Variants in C8orf34 observed in about 807,000 individuals in gnomAD.
C8orf34 encodes the protein uncharacterized protein C8orf34.
C8orf34 carries 65 observed loss-of-function variants against 68.3 expected under a neutral mutation model. That is an observed-to-expected ratio of 0.95 (90% CI 0.78 to 1.17). C8orf34 has a LOEUF of 1.17. Among genes scored for constraint, C8orf34 ranks in the 50% most tolerant of loss-of-function variants. The probability of loss-of-function intolerance (pLI) is 0.00; values close to 1 mark genes in which losing one functional copy is unlikely to be tolerated. For missense variants in C8orf34, 664 were observed against 655.4 expected, an observed-to-expected ratio of 1.01 and a Z score of -0.14; for synonymous variants, 244 against 241.2, an observed-to-expected ratio of 1.01 and a Z score of -0.11.
At chr8:68,743,491 C>A (rs12541228) in intron 10 of C8orf34, among the ~76,000 whole-genome samples, 28,648 of 152,008 alleles carry the variant, frequency 0.19, 2,957 homozygotes, top group Middle Eastern at 0.3. Flanking sequence ...ACAGTGGGTG[C>A]AGGTCAGTGG....
Position 68,796,016 on chromosome 8 carries a change from C to T in C8orf34, c.1549+8480C>T, listed in dbSNP as rs560061875. Reference sequence around the variant, plus strand: ...AAGGAGTGACAATTGTCTGAGGGTGCCGCATTTGGGAAAACGTCAAATACA... The same window carrying T: ...AAGGAGTGACAATTGTCTGAGGGTGTCGCATTTGGGAAAACGTCAAATACA... On this transcript the variant is annotated intron_variant, in intron 12 of 13. Transcript: ENST00000518698. Among the ~76,000 whole-genome samples the T allele has an allele frequency of 3.6e-4, 55 of 152,284 alleles. No individual in the cohort carries two copies. In the South Asian group the frequency reaches 6.2e-3, roughly 17 times the overall value.
intron 7 of C8orf34, among the ~76,000 whole-genome samples, chr8:68,603,556 T>C (rs1459474853): frequency 0.01 from 1,582 of 151,210 alleles, 43 homozygotes; most frequent in African/African-American, 0.037. Flanking sequence ...TATCTATCTA[T>C]CTATCTATCT....
At chr8:68,702,846 A>G (rs1821058948) in intron 8 of C8orf34, among the ~76,000 whole-genome samples, 1 of 152,074 alleles carries the variant, frequency 6.6e-6, no homozygotes, top group South Asian at 2.1e-4. Context: ...TACTGTTTGT[A>G]TTATTTAAAA....
chr8:68,706,587 C>G lies in C8orf34; in HGVS notation c.1242-2407C>G, dbSNP rs1464127611. 2.0e-5 allele frequency among the ~76,000 whole-genome samples: 3 copies of G among 152,116 alleles called. 1 individual carries two copies. The highest frequency in any genetic ancestry group is 4.4e-5 in the Non-Finnish European group (3 of 68,024). ...AAGGAGGTGAATTTGTTTTCGGAGA[C>G]CAGAACACTGGACTTACAGATATCT... On this transcript the variant is annotated intron_variant, in intron 8 of 13. Transcript: ENST00000518698.
At chr8:68,660,265 C>T (rs774440654) in intron 8 of C8orf34, among the ~76,000 whole-genome samples, 4 of 152,092 alleles carry the variant, frequency 2.6e-5, no homozygotes, top group African/African-American at 9.7e-5. Flanking sequence ...AAGAGGGGAA[C>T]AAGCTGTCCC....
chr8:68,514,034 G>T (rs1157119330), intron 5 of C8orf34, among the ~76,000 whole-genome samples: 1 of 152,154 alleles, frequency 6.6e-6, no homozygotes, highest in Non-Finnish European at 1.5e-5. Flanking sequence ...AATGTTGCAG[G>T]ACTTTTCCTT....
chr8:68,492,025 T>C (rs571038569), intron 5 of C8orf34, among the ~76,000 whole-genome samples: 1 of 152,294 alleles, frequency 6.6e-6, no homozygotes, highest in Non-Finnish European at 1.5e-5. Context: ...CCTCATCTTC[T>C]CCTGGCTCCC....
At chr8:68,386,274 C>G (rs1808257415) in intron 1 of C8orf34, among the ~76,000 whole-genome samples, 1 of 152,120 alleles carries the variant, frequency 6.6e-6, no homozygotes, top group South Asian at 2.1e-4. Flanking sequence ...TAATATGAAG[C>G]TTTATAGGGA....
At chr8:68,628,803 GATT>G in intron 7 of C8orf34, among the ~76,000 whole-genome samples, 2 of 152,268 alleles carry the variant, frequency 1.3e-5, no homozygotes, top group East Asian at 3.9e-4. Flanking sequence ...TTATTTCATG[GATT>G]ACATTTGAAT....
Position 68,439,582 on chromosome 8 carries a change from C to A in C8orf34, c.411C>A (p.Asn137Lys). 1 of 1,613,596 alleles carries A rather than the reference C, an allele frequency of 6.2e-7. No homozygotes were observed. The change falls in exon 2 of 14, where the codon AAC (asparagine) becomes AAA (lysine). Residue 137 changes from asparagine (N) to lysine (K), a missense_variant. By Grantham distance (94) the Asn-to-Lys change is moderately conservative. Transcript: ENST00000518698. Reference protein sequence around the residue: ...LIDHLQSKQGNRGQLQRTLSG... With the variant: ...LIDHLQSKQGKRGQLQRTLSG... ...ACCATCTTCAGTCTAAACAAGGGAA[C>A]CGTGGACAACTTCAAAGAACTTTGT... is the stretch of plus-strand genomic sequence containing the variant.
At chr8:68,786,202 A>C (rs1264143367) in intron 11 of C8orf34, among the ~76,000 whole-genome samples, 4 of 152,204 alleles carry the variant, frequency 2.6e-5, no homozygotes, top group African/African-American at 9.6e-5. Flanking sequence ...ATATGTTTGA[A>C]AACATGTTCT....
At chr8:68,442,093 A>G (rs2676637) in intron 2 of C8orf34, among the ~76,000 whole-genome samples, 84,540 of 151,816 alleles carry the variant, frequency 0.56, 24,253 homozygotes, top group African/African-American at 0.7. Context: ...GTTAGAGTGT[A>G]GGATGGACTG....
At chr8:68,492,294 A>C (rs1453051280) in intron 5 of C8orf34, among the ~76,000 whole-genome samples, 1 of 152,060 alleles carries the variant, frequency 6.6e-6, no homozygotes, top group Non-Finnish European at 1.5e-5. Context: ...CAGTGCTGCG[A>C]TCATAGCTCA....
intron 6 of C8orf34, chr8:68,525,780 G>A (rs1390469556): frequency 9.2e-6 from 5 of 544,666 alleles, no homozygotes; most frequent in Non-Finnish European, 1.7e-5. Flanking sequence ...GTGTAGCCAT[G>A]CTTCATCACA....
chr8:68,426,592 T>C (rs1330602908), intron 1 of C8orf34, among the ~76,000 whole-genome samples: 1 of 149,518 alleles, frequency 6.7e-6, no homozygotes, highest in Non-Finnish European at 1.5e-5. Flanking sequence ...TAAAAATATT[T>C]CCAAATTACA....
intron 4 of C8orf34, among the ~76,000 whole-genome samples, chr8:68,476,821 A>C (rs1812639603): frequency 6.6e-6 from 1 of 152,236 alleles, no homozygotes; most frequent in African/African-American, 2.4e-5. Flanking sequence ...ATCATAGGAT[A>C]TAAAGACAGT....
chr8:68,381,934 G>C (rs1279813519), intron 1 of C8orf34, among the ~76,000 whole-genome samples: 4 of 151,936 alleles, frequency 2.6e-5, no homozygotes, highest in Admixed American at 2.6e-4. Context: ...TTAACATTTT[G>C]ATACATATTT....
At chr8:68,574,990 C>G (rs913871397) in intron 7 of C8orf34, among the ~76,000 whole-genome samples, 8 of 151,596 alleles carry the variant, frequency 5.3e-5, no homozygotes, top group Non-Finnish European at 1.0e-4. Flanking sequence ...TGTATATGTA[C>G]AGAAATTTTA....
intron 7 of C8orf34, among the ~76,000 whole-genome samples, chr8:68,568,965 A>G (rs1033248211): frequency 1.3e-5 from 2 of 152,252 alleles, no homozygotes; most frequent in Non-Finnish European, 2.9e-5. Flanking sequence ...CTTTGTTCCA[A>G]TAAAACTTTA....
Sources: allele counts gnomAD v4.1 joint callset (sites outside exome capture counted in the v4.1 genomes callset), GRCh38; gene constraint gnomAD v4.1.1; transcripts MANE v1.5; gene names NCBI Gene and HGNC (gene_info 2026-07-23, HGNC 2026-07-21).